The following SP2 variants were observed in gnomAD, a reference collection of about 807,000 sequenced individuals.
SP2 encodes the protein Sp2 transcription factor.
SP2 carries 9 observed loss-of-function variants against 50.1 expected under a neutral mutation model. The ratio of observed to expected loss-of-function variants is 0.18; its 90% CI spans 0.11 to 0.31. The LOEUF is 0.31. Among genes scored for constraint, SP2 ranks in the 10% least tolerant of loss-of-function variants. The pLI is 1.00. For missense variants in SP2, 581 were observed against 806.5 expected, an observed-to-expected ratio of 0.72 and a Z score of 3.39; for synonymous variants, 313 against 326.6, an observed-to-expected ratio of 0.96 and a Z score of 0.45.
Position 47,916,115 on chromosome 17 carries a change from G to C in SP2, c.85-41G>C. 6.4e-7 allele frequency: 1 copy of C among 1,561,426 alleles called. No homozygotes were observed. Among genetic ancestry groups the C allele is most frequent in the Non-Finnish European group, 8.7e-7 (1 of 1,153,510 alleles). Reference sequence around the variant, plus strand: ...ATGGACAGAGGCGGCCGGGCAGCGGGCCTTCCTGTCTCACTCCTTTTCTCT... The same window carrying C: ...ATGGACAGAGGCGGCCGGGCAGCGGCCCTTCCTGTCTCACTCCTTTTCTCT... On this transcript the variant is annotated intron_variant, in intron 2 of 6. Coordinates refer to ENST00000376741, the MANE Select transcript of SP2 (RefSeq NM_003110.6). This position sits in a 1 kb window ranked among gnomAD's most constrained non-coding sequence, Gnocchi z 4.7.
chr17:47,917,222 A>G (rs2035248003), intron 3 of SP2, 92 bp downstream of exon 3: 1 of 1,338,530 alleles, frequency 7.5e-7, no homozygotes. Flanking sequence ...TCCCAGCTTG[A>G]TCTGACCTTG....
At position 47,916,144 on chromosome 17, in the gene SP2, G is replaced by GC; in HGVS notation, c.85-12_85-11insC. 6.3e-7 allele frequency: 1 copy of GC among 1,590,132 alleles called. No individual in the cohort carries two copies. On this transcript the variant is annotated splice_polypyrimidine_tract_variant and intron_variant, in intron 2 of 6. Coordinates refer to ENST00000376741, the MANE Select transcript of SP2 (RefSeq NM_003110.6). This position sits in a 1 kb window ranked among gnomAD's most constrained non-coding sequence, Gnocchi z 4.7. The stretch of plus-strand genomic sequence containing the variant: ...TCCTGTCTCACTCCTTTTCTCTGCT[G>GC]TTTTTTTGCAGGACTCCCAGCCATC...
chr17:47,925,675 T>A, intron 6 of SP2, 134 bp downstream of exon 6: 1 of 660,950 alleles, frequency 1.5e-6, no homozygotes, highest in Non-Finnish European at 2.6e-6. Context: ...ACAGACTATC[T>A]AGGGACGACA....
intron 3 of SP2, chr17:47,917,822 T>C: frequency 2.3e-6 from 1 of 434,008 alleles, no homozygotes; most frequent in Non-Finnish European, 4.6e-6. Flanking sequence ...TCAACAAGAA[T>C]GTTCTTATTT....
chr17:47,897,678 C>T, intron 1 of SP2: 1 of 177,902 alleles, frequency 5.6e-6, no homozygotes, highest in Non-Finnish European at 1.1e-5. Context: ...GGCTGGCTCA[C>T]AGGCTGCAAA....
chr17:47,930,776 CAT>C (rs1270760866), downstream of SP2, among the ~76,000 whole-genome samples: 1 of 152,114 alleles, frequency 6.6e-6, no homozygotes, highest in Non-Finnish European at 1.5e-5. Context: ...AGGGGCCCCA[CAT>C]GTGTAGTTCC....
At chr17:47,919,243 C>G (rs979487491) in intron 3 of SP2, among the ~76,000 whole-genome samples, 39 of 152,022 alleles carry the variant, frequency 2.6e-4, no homozygotes, top group Non-Finnish European at 1.3e-4. Context: ...GACCCCATCT[C>G]TACAAAAAAA....
At position 47,916,872 on chromosome 17, in the gene SP2, G is replaced by A. The variant is rs779377393; in HGVS notation, c.801G>A (p.Thr267=). 4.0e-5 allele frequency: 64 copies of A among 1,614,000 alleles called. No individual in the cohort carries two copies. Among genetic ancestry groups the A allele is most frequent in the South Asian group, 6.6e-5 (6 of 91,082 alleles). The change falls in exon 3 of 7, where the codon ACG becomes ACA. Residue 267 remains threonine, a synonymous_variant. Transcript: ENST00000376741. This position sits in a 1 kb window ranked among gnomAD's most constrained non-coding sequence, Gnocchi z 4.7. ...TGGCTGTGGCTGAGCAGGTGGAGAC[G>A]GTGCTGATCGAGACCACCGCGGACA... ...PPVAVAEQVE[T]VLIETTADNI... is the part of the protein sequence containing the mutation.
intron 1 of SP2, chr17:47,897,976 C>T (rs2034405433): frequency 1.4e-5 from 9 of 642,436 alleles, no homozygotes; most frequent in Non-Finnish European, 1.5e-5. Context: ...AGAGGCTTAA[C>T]CTCTTTGGTT....
At chr17:47,929,414 G>A (rs1385380027), downstream of SP2, among the ~76,000 whole-genome samples, 1 of 152,210 alleles carries the variant, frequency 6.6e-6, no homozygotes, top group Non-Finnish European at 1.5e-5. Flanking sequence ...TGGCAACAAT[G>A]CATTTCCCCA....
At chr17:47,929,448 T>A (rs2035773369), downstream of SP2, among the ~76,000 whole-genome samples, 1 of 152,082 alleles carries the variant, frequency 6.6e-6, no homozygotes, top group Non-Finnish European at 1.5e-5. Context: ...CTTCCCAAAG[T>A]GAAGGGCGAG....
intron 4 of SP2, 118 bp from the exon 5 acceptor site, chr17:47,924,799 AGC>A (rs2035584499): frequency 1.2e-6 from 1 of 859,922 alleles, no homozygotes; most frequent in Non-Finnish European, 1.8e-6. Flanking sequence ...TCCAACATAC[AGC>A]AGGCTCTCAA....
At chr17:47,900,747 A>G (rs186654345) in intron 1 of SP2, among the ~76,000 whole-genome samples, 1 of 152,366 alleles carries the variant, frequency 6.6e-6, no homozygotes, top group Non-Finnish European at 1.5e-5. Context: ...ACTGCACCCC[A>G]GCCTGGGTAA....
intron 1 of SP2, among the ~76,000 whole-genome samples, chr17:47,896,505 G>T (rs1233934877): frequency 1.3e-5 from 2 of 152,044 alleles, no homozygotes; most frequent in African/African-American, 4.8e-5. Context: ...CCGGAAGGGG[G>T]CGTTCGACTC....
chr17:47,931,372 C>T (rs1441302474), downstream of SP2, among the ~76,000 whole-genome samples: 7 of 152,064 alleles, frequency 4.6e-5, no homozygotes, highest in Non-Finnish European at 8.8e-5. Flanking sequence ...AATCATCTTT[C>T]CAGTGCCCTT....
At position 47,927,784 on chromosome 17, in the gene SP2, C is replaced by T. The variant is rs1293855503; in HGVS notation, c.1802C>T (p.Thr601Ile). Reference protein sequence around the residue: ...QKRFMRSDHLTKHYKTHLVTK... With the variant: ...QKRFMRSDHLIKHYKTHLVTK... ...CGCTTCATGAGGAGTGACCACCTCA[C>T]CAAGCATTACAAGACCCACCTGGTC... The change falls in exon 7 of 7, where the codon ACC (threonine) becomes ATC (isoleucine). Residue 601 changes from threonine (T) to isoleucine (I), a missense_variant. Physicochemically the swap from Thr to Ile is moderately conservative, Grantham distance 89 (BLOSUM62 -1). Transcript: ENST00000376741. 6.3e-7 allele frequency: 1 copy of T among 1,599,276 alleles called. No individual in the cohort carries two copies. The highest frequency in any genetic ancestry group is 1.3e-5 in the African/African-American group (1 of 74,868).
chr17:47,923,804 T>C (rs1167250993), intron 4 of SP2, among the ~76,000 whole-genome samples: 3 of 151,708 alleles, frequency 2.0e-5, no homozygotes, highest in Admixed American at 1.3e-4. Context: ...AGTGCAGTGG[T>C]GCGATCTCTG....
At chr17:47,906,850 C>G (rs964812535) in intron 1 of SP2, among the ~76,000 whole-genome samples, 14 of 152,134 alleles carry the variant, frequency 9.2e-5, no homozygotes, top group Admixed American at 8.5e-4. Flanking sequence ...GGGCCAGACA[C>G]AGGCCTATGA....
chr17:47,929,653 G>C (rs1171238280), downstream of SP2: 2 of 152,668 alleles, frequency 1.3e-5, no homozygotes, highest in Non-Finnish European at 2.9e-5. Context: ...GTTTTGCTTT[G>C]TTTTGCAGAA....
Sources: allele counts gnomAD v4.1 joint callset (sites outside exome capture counted in the v4.1 genomes callset), GRCh38; gene constraint gnomAD v4.1.1; non-coding constraint Gnocchi (gnomAD v3.1); transcripts MANE v1.5; gene names NCBI Gene and HGNC (gene_info 2026-07-23, HGNC 2026-07-21).